ABTB3: variants seen among roughly 807,000 people sequenced by gnomAD.
The protein encoded by ABTB3 is ankyrin repeat and BTB domain containing 3, also known as ankyrin repeat- and BTB/POZ domain-containing protein 3.
the ABTB3 span, among the ~76,000 whole-genome samples, chr12:107,604,118 G>A: frequency 1.1e-4 from 17 of 151,878 alleles, no homozygotes; most frequent in African/African-American, 3.9e-4. Context: ...GCAGTGAGCC[G>A]AGATCACGCC....
At chr12:107,345,735 C>T in the ABTB3 span, among the ~76,000 whole-genome samples, 1 of 152,050 alleles carries the variant, frequency 6.6e-6, no homozygotes, top group Admixed American at 6.6e-5. Context: ...TATTTTTCCC[C>T]AAAATTTGAA....
At chr12:107,384,486 C>G in the ABTB3 span, among the ~76,000 whole-genome samples, 4 of 152,242 alleles carry the variant, frequency 2.6e-5, no homozygotes, top group East Asian at 7.7e-4. Context: ...TGGCAGGTGT[C>G]GTAGGTTGAG....
At chr12:107,647,278 T>A in the ABTB3 span, among the ~76,000 whole-genome samples, 1 of 152,124 alleles carries the variant, frequency 6.6e-6, no homozygotes, top group Non-Finnish European at 1.5e-5. Flanking sequence ...TGCAGTAAGC[T>A]ATGATCACAC....
At chr12:107,385,826 C>T in the ABTB3 span, among the ~76,000 whole-genome samples, 12 of 152,306 alleles carry the variant, frequency 7.9e-5, no homozygotes, top group South Asian at 4.1e-4. Context: ...CTGGCCTGGA[C>T]GACCTTGTGA....
the ABTB3 span, among the ~76,000 whole-genome samples, chr12:107,420,488 A>T: frequency 2.6e-5 from 4 of 152,088 alleles, no homozygotes; most frequent in Non-Finnish European, 5.9e-5. Context: ...ATCATATCAG[A>T]CTTATTCACT....
the ABTB3 span, among the ~76,000 whole-genome samples, chr12:107,523,857 G>T: frequency 0.093 from 14,084 of 152,016 alleles, 755 homozygotes; most frequent in South Asian, 0.15. Context: ...TGGCTACCGA[G>T]TTGGGACATA....
chr12:107,589,720 C>T, the ABTB3 span, among the ~76,000 whole-genome samples: 312 of 152,288 alleles, frequency 2.0e-3, 2 homozygotes, highest in African/African-American at 7.1e-3. Context: ...GTTCACAGCC[C>T]GGACTTGTAT....
chr12:107,460,087 C>T, the ABTB3 span, among the ~76,000 whole-genome samples: 3 of 152,254 alleles, frequency 2.0e-5, no homozygotes, highest in Non-Finnish European at 4.4e-5. Context: ...GCAACTTCTC[C>T]CCAAACCCTT....
At chr12:107,620,319 C>T in the ABTB3 span, among the ~76,000 whole-genome samples, 2 of 152,196 alleles carry the variant, frequency 1.3e-5, no homozygotes, top group Non-Finnish European at 2.9e-5. Context: ...CGAAAGCTAC[C>T]TGTGCACTCA....
At chr12:107,387,451 A>T in the ABTB3 span, among the ~76,000 whole-genome samples, 3 of 152,216 alleles carry the variant, frequency 2.0e-5, no homozygotes, top group Non-Finnish European at 4.4e-5. Context: ...GTGCTGGGCT[A>T]GGTGCTGAGG....
chr12:107,465,996 T>C, the ABTB3 span, among the ~76,000 whole-genome samples: 1 of 152,182 alleles, frequency 6.6e-6, no homozygotes, highest in Non-Finnish European at 1.5e-5. Flanking sequence ...CTGAGGACAG[T>C]GAGCAGAGCA....
At chr12:107,451,048 C>T in the ABTB3 span, among the ~76,000 whole-genome samples, 4 of 151,970 alleles carry the variant, frequency 2.6e-5, no homozygotes, top group Non-Finnish European at 4.4e-5. Context: ...GCATTAGAAA[C>T]GGTGCCCTTT....
At chr12:107,573,203 G>A in the ABTB3 span, among the ~76,000 whole-genome samples, 2 of 152,158 alleles carry the variant, frequency 1.3e-5, no homozygotes, top group African/African-American at 4.8e-5. Context: ...CATCCTCCAT[G>A]GGATCTAGCA....
the ABTB3 span, among the ~76,000 whole-genome samples, chr12:107,386,675 T>C: frequency 2.0e-5 from 3 of 152,198 alleles, no homozygotes; most frequent in African/African-American, 7.2e-5. Flanking sequence ...CAGCCCTGAC[T>C]GATCATTCCC....
At chr12:107,460,009 G>C in the ABTB3 span, among the ~76,000 whole-genome samples, 8 of 152,350 alleles carry the variant, frequency 5.3e-5, no homozygotes, top group Non-Finnish European at 1.2e-4. Flanking sequence ...GGGAAAACAG[G>C]CTGGCTCCCT....
the ABTB3 span, among the ~76,000 whole-genome samples, chr12:107,469,870 C>CT: frequency 1.2e-5 from 1 of 80,304 alleles, no homozygotes; most frequent in African/African-American, 5.9e-5. Context: ...TCTTTCTTTT[C>CT]TTTCTTTCTT....
chr12:107,385,815 G>T, the ABTB3 span, among the ~76,000 whole-genome samples: 2 of 152,110 alleles, frequency 1.3e-5, no homozygotes, highest in African/African-American at 4.8e-5. Context: ...CCTGCTCCTC[G>T]CTGGCCTGGA....
the ABTB3 span, among the ~76,000 whole-genome samples, chr12:107,465,273 G>A: frequency 1.3e-5 from 2 of 152,132 alleles, no homozygotes; most frequent in African/African-American, 4.8e-5. Flanking sequence ...AGCGAGGAAG[G>A]CACCGCATGT....
the ABTB3 span, among the ~76,000 whole-genome samples, chr12:107,624,821 G>T: frequency 0.17 from 26,077 of 152,058 alleles, 3,684 homozygotes; most frequent in African/African-American, 0.39. Flanking sequence ...TGTGTGAATA[G>T]ATCTTCATTT....
Sources: allele counts gnomAD v4.1 joint callset (sites outside exome capture counted in the v4.1 genomes callset), GRCh38; gene constraint gnomAD v4.1.1; transcripts MANE v1.5; gene names NCBI Gene and HGNC (gene_info 2026-07-23, HGNC 2026-07-21).